TMEM154: variants seen among roughly 807,000 people sequenced by gnomAD.
The protein encoded by TMEM154 is transmembrane protein 154.
TMEM154 carries 27 observed loss-of-function variants against 24.5 expected under a neutral mutation model. The observed-to-expected ratio is 1.10, with a 90% CI of 0.81 to 1.52. The LOEUF (loss-of-function observed/expected upper bound fraction) is 1.52, where lower values mean the gene tolerates loss of function less well. Ranked by LOEUF, TMEM154 falls within the 40% of genes most tolerant of loss-of-function variation. The pLI is 0.00. For missense variants in TMEM154, 228 were observed against 213.4 expected (o/e 1.07, Z -0.43); for synonymous variants, 67 against 76.8 (o/e 0.87, Z 0.67).
chr4:152,671,743 T>C, intron 1 of TMEM154, among the ~76,000 whole-genome samples: 1 of 18,462 alleles, frequency 5.4e-5, no homozygotes, highest in Non-Finnish European at 8.9e-5. Context: ...CGAGACTCCG[T>C]CTCAAAAAAA....
intron 6 of TMEM154, among the ~76,000 whole-genome samples, chr4:152,634,408 T>A (rs1214786382): frequency 1.3e-5 from 2 of 152,126 alleles, no homozygotes; most frequent in Admixed American, 6.5e-5. Context: ...GAGTGCAGAG[T>A]TCAGTTTAGC....
intron 6 of TMEM154, among the ~76,000 whole-genome samples, chr4:152,636,761 T>C (rs1184546770): frequency 6.6e-6 from 1 of 152,222 alleles, no homozygotes; most frequent in African/African-American, 2.4e-5. Flanking sequence ...TCGTAGGTTC[T>C]ATGGACTTAA....
intron 1 of TMEM154, among the ~76,000 whole-genome samples, chr4:152,672,457 G>C (rs1041954115): frequency 6.6e-6 from 1 of 152,176 alleles, no homozygotes; most frequent in Non-Finnish European, 1.5e-5. Context: ...TGATTAATTA[G>C]GACAAGTGCT....
chr4:152,673,828 G>C (rs1199585362), intron 1 of TMEM154, among the ~76,000 whole-genome samples: 1 of 151,616 alleles, frequency 6.6e-6, no homozygotes, highest in African/African-American at 2.4e-5. Flanking sequence ...GTTTTGTTTT[G>C]TTTTTCATTT....
chr4:152,674,669 A>AC (rs1561059871), intron 1 of TMEM154, among the ~76,000 whole-genome samples: 1 of 152,044 alleles, frequency 6.6e-6, no homozygotes, highest in South Asian at 2.1e-4. Flanking sequence ...CCTTAAGCAC[A>AC]CCCCTGTCTC....
At position 152,661,878 on chromosome 4, in the gene TMEM154, T is replaced by G. The variant is rs141574337; in HGVS notation, c.65-8951A>C. Among the ~76,000 whole-genome samples, 49 of 152,374 alleles carry G rather than the reference T, an allele frequency of 3.2e-4. 1 individual carries two copies. The East Asian group carries it at 9.1e-3, about 28-fold the overall frequency. On this transcript the variant is annotated intron_variant, in intron 1 of 6. Transcript: ENST00000304385. ...CTTGCCCAGAAGTAACCACCGTTTC[T>G]GCTCCTTTGAGAGAAACTCTATGCA...
At chr4:152,671,703 C>T (rs1215525123) in intron 1 of TMEM154, among the ~76,000 whole-genome samples, 3 of 140,070 alleles carry the variant, frequency 2.1e-5, no homozygotes, top group Admixed American at 1.4e-4. Flanking sequence ...GCCGAGATCC[C>T]GCCACTGCAC....
intron 6 of TMEM154, among the ~76,000 whole-genome samples, chr4:152,629,731 C>T (rs765282922): frequency 6.6e-5 from 10 of 152,206 alleles, no homozygotes; most frequent in Admixed American, 1.3e-4. Flanking sequence ...ATTCTTCTGA[C>T]TCCTACTTCA....
chr4:152,650,049 C>A (rs766127688), intron 3 of TMEM154, among the ~76,000 whole-genome samples: 5 of 152,204 alleles, frequency 3.3e-5, no homozygotes, highest in Middle Eastern at 3.4e-3. Context: ...ATTTTTCTGG[C>A]GGAGGGTCTT....
chr4:152,679,703 T>C (rs1372213795), intron 1 of TMEM154, 167 bp downstream of exon 1: 6 of 394,012 alleles, frequency 1.5e-5, no homozygotes, highest in African/African-American at 1.3e-4. Context: ...CGAAGTCCCC[T>C]CTCCATCCCA....
At position 152,622,642 on chromosome 4, in the gene TMEM154, A is replaced by T. The variant is rs564259559; in HGVS notation, c.*5904T>A. The T allele has an allele frequency of 1.6e-4, 24 of 149,180 alleles. No homozygotes were observed. The highest frequency in any genetic ancestry group is 1.3e-3 in the South Asian group (6 of 4,780). The allele number at this position is 149,180 out of a possible 1,614,324, so 9.2% of individuals were successfully genotyped here. ...ACACAAACATGTACTTATTTTATTT[A>T]AAAAAAAATGGAGTTGAGAATAATT... On this transcript the variant is annotated 3_prime_UTR_variant, in exon 7 of 7. Coordinates refer to ENST00000304385, the MANE Select transcript of TMEM154 (RefSeq NM_152680.3).
At chr4:152,645,184 T>C (rs1485762708) in intron 3 of TMEM154, among the ~76,000 whole-genome samples, 1 of 152,174 alleles carries the variant, frequency 6.6e-6, no homozygotes, top group Non-Finnish European at 1.5e-5. Context: ...GGATCGTGTC[T>C]GTCTTATTTA....
At chr4:152,631,642 G>A (rs1286870067) in intron 6 of TMEM154, among the ~76,000 whole-genome samples, 1 of 151,820 alleles carries the variant, frequency 6.6e-6, no homozygotes, top group Non-Finnish European at 1.5e-5. Flanking sequence ...TGTTGTCTAG[G>A]CTGGTCTCGA....
At chr4:152,652,297 C>G (rs1446774262) in intron 3 of TMEM154, among the ~76,000 whole-genome samples, 1 of 148,458 alleles carries the variant, frequency 6.7e-6, no homozygotes, top group Non-Finnish European at 1.5e-5. Flanking sequence ...AAAGCAATAC[C>G]TGTAAAGTGC....
chr4:152,660,381 C>A (rs995368012), intron 1 of TMEM154, among the ~76,000 whole-genome samples: 1 of 151,294 alleles, frequency 6.6e-6, no homozygotes, highest in Non-Finnish European at 1.5e-5. Context: ...ACCCCGCCCC[C>A]CCCTCACTTT....
intron 6 of TMEM154, among the ~76,000 whole-genome samples, chr4:152,638,880 C>T (rs1347966372): frequency 3.9e-5 from 6 of 152,288 alleles, no homozygotes; most frequent in Non-Finnish European, 7.4e-5. Context: ...GGAATGTAGA[C>T]CTTCCCTTTT....
In TMEM154 at chr4:152,619,263, G is replaced by A. The variant is rs960454699; in HGVS notation, c.*9283C>T. The A allele has an allele frequency of 6.6e-6, 1 of 152,200 alleles. No homozygotes were observed. The highest frequency in any genetic ancestry group is 1.9e-4 in the East Asian group (1 of 5,196). 9.4% of individuals were successfully genotyped at this position (152,200 alleles called of 1,614,324 possible). On this transcript the variant is annotated 3_prime_UTR_variant, in exon 7 of 7. Transcript: ENST00000304385. ...CACCTACTACAGACTACTGGACCAG[G>A]GGTCTATGTCCAAGCCAAAGAGCAC...
chr4:152,636,647 C>T (rs1382975052), intron 6 of TMEM154, among the ~76,000 whole-genome samples: 3 of 152,320 alleles, frequency 2.0e-5, no homozygotes, highest in South Asian at 2.1e-4. Context: ...AGATTACAGA[C>T]CCTAACAAGA....
chr4:152,646,370 G>A (rs773970053), intron 3 of TMEM154, among the ~76,000 whole-genome samples: 6 of 152,086 alleles, frequency 3.9e-5, no homozygotes, highest in African/African-American at 7.2e-5. Context: ...AGCTTTCTAC[G>A]GCCTCATCTT....
Sources: gnomAD v4.1 joint callset for allele counts (sites outside exome capture counted in the v4.1 genomes callset) on GRCh38, gnomAD v4.1.1 for gene constraint, MANE v1.5 for transcripts, NCBI Gene and HGNC (gene_info 2026-07-23, HGNC 2026-07-21) for gene names.